Variants in OLR1 observed in about 807,000 individuals in gnomAD.
OLR1 encodes oxidized low-density lipoprotein receptor 1.
Under a neutral mutation model 31.7 loss-of-function variants are expected in OLR1, and 23 were observed. The ratio of observed to expected loss-of-function variants is 0.72; its 90% CI spans 0.52 to 1.03. OLR1 has a LOEUF of 1.03. Ranked by LOEUF, OLR1 falls within the 50% of genes least tolerant of loss-of-function variation. OLR1 has a pLI of 0.00. For missense variants in OLR1, 286 were observed against 315.7 expected (o/e 0.91, Z 0.71); for synonymous variants, 117 against 115.8 (o/e 1.01, Z -0.07).
intron 3 of OLR1, among the ~76,000 whole-genome samples, chr12:10,163,583 CT>C (rs58760994): frequency 0.51 from 75,431 of 147,426 alleles, 20,237 homozygotes; most frequent in East Asian, 0.77. Flanking sequence ...AAAAACTTGG[CT>C]TTTTTTTTTT....
At chr12:10,166,526 T>TA (rs111536572) in intron 3 of OLR1, among the ~76,000 whole-genome samples, 186 bp downstream of exon 3, 3,398 of 134,888 alleles carry the variant, frequency 0.025, 120 homozygotes, top group African/African-American at 0.084. Flanking sequence ...AAACTCCATC[T>TA]AAAAAAAAAA....
chr12:10,160,936 T>C lies in OLR1; in HGVS notation c.425-11A>G. 1 of 1,612,300 alleles carries C rather than the reference T, an allele frequency of 6.2e-7. No homozygotes were observed. ...CTTGCGGACAAGGAGCTGGGAAGGA[T>C]AGTATATCTCATCAGTCAGTTATGT... On this transcript the variant is annotated splice_polypyrimidine_tract_variant and intron_variant, in intron 3 of 5. Transcript: ENST00000309539.
chr12:10,169,517 A>G (rs897805028), intron 1 of OLR1, among the ~76,000 whole-genome samples: 6 of 152,236 alleles, frequency 3.9e-5, no homozygotes, highest in Non-Finnish European at 7.3e-5. Flanking sequence ...TTACTCCTCA[A>G]GAAACTCACA....
intron 3 of OLR1, 77 bp from the exon 4 acceptor site, chr12:10,161,002 C>T: frequency 7.2e-7 from 1 of 1,390,830 alleles, no homozygotes; most frequent in Non-Finnish European, 1.0e-6. Context: ...TCAATGATCC[C>T]CTTAGTTCTC....
chr12:10,168,210 C>A (rs1436101756), intron 2 of OLR1, among the ~76,000 whole-genome samples: 1 of 152,064 alleles, frequency 6.6e-6, no homozygotes, highest in African/African-American at 2.4e-5. Context: ...CCACTCTGGG[C>A]CATCTTTTCA....
upstream of OLR1, among the ~76,000 whole-genome samples, chr12:10,172,571 G>C (rs575443674): frequency 6.6e-6 from 1 of 152,192 alleles, no homozygotes; most frequent in Non-Finnish European, 1.5e-5. Flanking sequence ...GTTTTATCTG[G>C]CAATGGATCT....
intron 4 of OLR1, 105 bp downstream of exon 4, chr12:10,160,681 A>C (rs991744406): frequency 9.1e-6 from 13 of 1,435,318 alleles, no homozygotes; most frequent in Non-Finnish European, 1.2e-5. Context: ...CTAAAAAAAC[A>C]GACATTTTGG....
chr12:10,160,211 G>C, intron 5 of OLR1, 136 bp downstream of exon 5: 1 of 917,566 alleles, frequency 1.1e-6, no homozygotes, highest in South Asian at 1.7e-5. Context: ...TAAGGAAGGA[G>C]ACTTTGAGAA....
At chr12:10,160,324 A>G in intron 5 of OLR1, 23 bp downstream of exon 5, 1 of 1,568,630 alleles carries the variant, frequency 6.4e-7, no homozygotes, top group Middle Eastern at 1.7e-4. Flanking sequence ...CGAGAGAGGC[A>G]TCAAAAAGAA....
At position 10,166,970 on chromosome 12, in the gene OLR1, T is replaced by C. The variant is rs1948668338; in HGVS notation, c.179-13A>G. 2 of 1,610,408 alleles carry C rather than the reference T, an allele frequency of 1.2e-6. No homozygotes were observed. The highest frequency in any genetic ancestry group is 1.7e-5 in the Admixed American group (1 of 59,066). On this transcript the variant is annotated splice_polypyrimidine_tract_variant and intron_variant, in intron 2 of 5. Coordinates refer to ENST00000309539, the MANE Select transcript of OLR1 (RefSeq NM_002543.4). ...GACACCTGGGATACTGAATCACAGT[T>C]GCATTAAGACTCTAGTTCTAATCCA...
chr12:10,160,963 T>G lies in OLR1; in HGVS notation c.425-38A>C, dbSNP rs536324555. ...GTATATCTCATCAGTCAGTTATGTT[T>G]GTGTAAAAGCAGTACTGCAGTTCTT... On this transcript the variant is annotated intron_variant, in intron 3 of 5. Transcript: ENST00000309539. 21 of 1,598,960 alleles carry G rather than the reference T, an allele frequency of 1.3e-5. No homozygotes were observed. The African/African-American group carries it at 2.5e-4, about 19-fold the overall frequency.
intron 3 of OLR1, among the ~76,000 whole-genome samples, chr12:10,165,262 CAAA>C (rs71049054): frequency 5.0e-5 from 7 of 138,790 alleles, no homozygotes; most frequent in Non-Finnish European, 6.2e-5. Flanking sequence ...GACTCCCTCT[CAAA>C]AAAAAAAAAA....
chr12:10,163,863 G>A (rs1230862027), intron 3 of OLR1, among the ~76,000 whole-genome samples: 5 of 152,072 alleles, frequency 3.3e-5, no homozygotes, highest in South Asian at 2.1e-4. Context: ...TCCGGGAGGC[G>A]GAGGTTGCAG....
Position 10,158,957 on chromosome 12 carries a change from C to T in OLR1, c.*923G>A, listed in dbSNP as rs901057240. On this transcript the variant is annotated 3_prime_UTR_variant, in exon 6 of 6. Transcript: ENST00000309539. ...GTTTCTATTCAGCGATATTTGCATACCTGGCTTAGTTTGTTCTAGATTGAG... is the reference window on the plus strand; with the variant it reads ...GTTTCTATTCAGCGATATTTGCATATCTGGCTTAGTTTGTTCTAGATTGAG... The T allele has an allele frequency of 2.0e-5, 3 of 152,126 alleles. No homozygotes were observed. The highest frequency in any genetic ancestry group is 6.5e-5 in the Admixed American group (1 of 15,270). 9.4% of individuals were successfully genotyped at this position (152,126 alleles called of 1,614,324 possible). A position where few individuals can be genotyped will look rare whatever the true frequency, so the allele number is the denominator to read the frequency against.
chr12:10,163,697 C>G (rs1948637945), intron 3 of OLR1, among the ~76,000 whole-genome samples: 1 of 151,876 alleles, frequency 6.6e-6, no homozygotes, highest in African/African-American at 2.4e-5. Context: ...CTTTAGGAGG[C>G]CAAGGTGGGT....
At chr12:10,166,081 C>T (rs376508629) in intron 3 of OLR1, among the ~76,000 whole-genome samples, 1 of 151,606 alleles carries the variant, frequency 6.6e-6, no homozygotes, top group African/African-American at 2.4e-5. Flanking sequence ...CATGGTGGCT[C>T]ATGTTTGTAA....
At chr12:10,169,881 T>C (rs1948695949) in intron 1 of OLR1, among the ~76,000 whole-genome samples, 1 of 151,274 alleles carries the variant, frequency 6.6e-6, no homozygotes, top group Non-Finnish European at 1.5e-5. Context: ...AAAAATCACA[T>C]AGCTCACAGG....
chr12:10,158,457 G>A lies in OLR1; in HGVS notation c.*1423C>T, dbSNP rs1258082537. On this transcript the variant is annotated 3_prime_UTR_variant, in exon 6 of 6. Coordinates refer to ENST00000309539, the MANE Select transcript of OLR1 (RefSeq NM_002543.4). Reference sequence around the variant, plus strand: ...ATGAATTCATACGAGCATCAAGATGGAGACATATGAATCTCAAAATAATTA... The same window carrying A: ...ATGAATTCATACGAGCATCAAGATGAAGACATATGAATCTCAAAATAATTA... 2 of 152,002 alleles carry A rather than the reference G, an allele frequency of 1.3e-5. No individual in the cohort carries two copies. Among genetic ancestry groups the A allele is most frequent in the African/African-American group, 2.4e-5 (1 of 41,368 alleles). The allele number at this position is 152,002 out of a possible 1,614,324, so 9.4% of individuals were successfully genotyped here.
chr12:10,169,037 G>T, intron 2 of OLR1, 37 bp downstream of exon 2: 1 of 1,420,302 alleles, frequency 7.0e-7, no homozygotes, highest in Non-Finnish European at 9.8e-7. Context: ...CAACACCCCT[G>T]CCCCAATAAA....
Sources: allele counts gnomAD v4.1 joint callset (sites outside exome capture counted in the v4.1 genomes callset), GRCh38; gene constraint gnomAD v4.1.1; transcripts MANE v1.5; gene names NCBI Gene and HGNC (gene_info 2026-07-23, HGNC 2026-07-21).